Variants in MEG3 observed in about 807,000 individuals in gnomAD.
MEG3 encodes Very putative protein from MEG3 locus.
At chr14:100,848,795 GT>G (rs1280835814) in intron 3 of MEG3, 20 of 152,124 alleles carry the variant, frequency 1.3e-4, no homozygotes, top group African/African-American at 4.8e-4. Flanking sequence ...AAGAAAAGGA[GT>G]GAGGAATGGG....
chr14:100,839,954 C>T (rs1305512577), intron 2 of MEG3, among the ~76,000 whole-genome samples: 2 of 152,220 alleles, frequency 1.3e-5, no homozygotes, highest in Non-Finnish European at 2.9e-5. Context: ...AAACTGGTCA[C>T]TTTACTCAGG....
At chr14:100,827,550 GT>G (rs1178783274) in intron 1 of MEG3, 2 of 152,510 alleles carry the variant, frequency 1.3e-5, no homozygotes, top group Admixed American at 6.5e-5. Flanking sequence ...ATTTCCAGTG[GT>G]TTTTGGTTTC....
rs898105517 is a variant in MEG3 at position 100,837,722 on chromosome 14, A to G, written n.3045+1422A>G. On this transcript the variant is annotated intron_variant and non_coding_transcript_variant, in intron 2 of 3. Coordinates refer to the MEG3 transcript ENST00000398461. This position sits in a 1 kb window ranked among gnomAD's most constrained non-coding sequence, Gnocchi z 5.8. ...CGACGCAGCCTCGTAATGCTCTTTA[A>G]TCAAACAGAGGATTTGGAGACAGCT... is the stretch of plus-strand genomic sequence containing the variant. Among the ~76,000 whole-genome samples, 11 of 152,178 alleles carry G rather than the reference A, an allele frequency of 7.2e-5. No individual in the cohort carries two copies. Among genetic ancestry groups the G allele is most frequent in the Admixed American group, 7.2e-4 (11 of 15,298 alleles).
downstream of MEG3, chr14:100,830,699 G>C (rs1449692538): frequency 6.6e-6 from 1 of 152,194 alleles, no homozygotes. Flanking sequence ...ACAGTCTCTT[G>C]GAACCTAATT....
intron 3 of MEG3, chr14:100,846,467 G>A (rs1233941519): frequency 6.6e-6 from 1 of 152,262 alleles, no homozygotes; most frequent in Admixed American, 6.5e-5. Context: ...TGTGTTTCTG[G>A]ACTGTGGGCT....
In MEG3 at chr14:100,845,730, C is replaced by T. The variant is rs1370398605; in HGVS notation, n.3121+197C>T. ...GGCTCCTGTTTTCTAAGACAGGAGC[C>T]CCCTGCCTCCTTGTGTTGTCTCTGT... is the stretch of plus-strand genomic sequence containing the variant. On this transcript the variant is annotated intron_variant and non_coding_transcript_variant, in intron 3 of 3. Transcript: ENST00000398461. This position sits in a 1 kb window ranked among gnomAD's most constrained non-coding sequence, Gnocchi z 5.2. 4.4e-6 allele frequency: 1 copy of T among 228,958 alleles called. No individual in the cohort carries two copies. Among genetic ancestry groups the T allele is most frequent in the Non-Finnish European group, 9.0e-6 (1 of 111,256 alleles). 14.2% of individuals were successfully genotyped at this position (228,958 alleles called of 1,614,324 possible).
rs977195610 is a variant in MEG3, at chr14:100,837,492, T to G, written n.3045+1192T>G. 1.3e-5 allele frequency among the ~76,000 whole-genome samples: 2 copies of G among 152,104 alleles called. No homozygotes were observed. Among genetic ancestry groups the G allele is most frequent in the Non-Finnish European group, 2.9e-5 (2 of 68,004 alleles). ...ATTCCCCCAGACATTTATGGAGGCT[T>G]GAGGGGGCCCTAGCACTGTCCTTGG... is the stretch of plus-strand genomic sequence containing the variant. On this transcript the variant is annotated intron_variant and non_coding_transcript_variant, in intron 2 of 3. Transcript: ENST00000398461. This position sits in a 1 kb window ranked among gnomAD's most constrained non-coding sequence, Gnocchi z 5.8.
At chr14:100,828,218 G>A (rs1331687030) in intron 1 of MEG3, among the ~76,000 whole-genome samples, 1 of 152,008 alleles carries the variant, frequency 6.6e-6, no homozygotes, top group Non-Finnish European at 1.5e-5. Flanking sequence ...CCTGGGTTAC[G>A]GGTGCGGGCC....
At chr14:100,844,671 T>G (rs1455692523) in intron 2 of MEG3, among the ~76,000 whole-genome samples, 1 of 152,168 alleles carries the variant, frequency 6.6e-6, no homozygotes, top group African/African-American at 2.4e-5. Context: ...GCTCACTCTT[T>G]GTGGCGCACA....
intron 2 of MEG3, among the ~76,000 whole-genome samples, chr14:100,842,767 C>T (rs1339744784): frequency 6.6e-6 from 1 of 152,160 alleles, no homozygotes; most frequent in African/African-American, 2.4e-5. Context: ...CTTTTAAAAT[C>T]CTAAGATGCA....
downstream of MEG3, chr14:100,831,988 G>C (rs1284948755): frequency 6.6e-6 from 1 of 152,122 alleles, no homozygotes; most frequent in East Asian, 1.9e-4. Context: ...ACAACTGGAG[G>C]CACCACTAGA....
chr14:100,837,306 GT>G lies in MEG3; in HGVS notation n.3045+1011del, dbSNP rs898670239. Reference sequence around the variant, plus strand: ...TGTGGCTCACTCAGGGCGATGGGGTGTTTTTAGAGCCACTGCCCTGGGAGGC... The same window carrying G: ...TGTGGCTCACTCAGGGCGATGGGGTGTTTTAGAGCCACTGCCCTGGGAGGC... On this transcript the variant is annotated intron_variant and non_coding_transcript_variant, in intron 2 of 3. Transcript: ENST00000398461. The surrounding 1 kb of genome is among the most constrained non-coding windows in gnomAD (Gnocchi z 5.8). Among the ~76,000 whole-genome samples the G allele has an allele frequency of 2.0e-5, 3 of 152,194 alleles. No homozygotes were observed. The highest frequency in any genetic ancestry group is 7.2e-5 in the African/African-American group (3 of 41,454).
Position 100,845,171 on chromosome 14 carries a change from TA to T in MEG3, n.3046-285del, listed in dbSNP as rs1340596079. ...CCCGTTTCTCATCTATGCAGGGTCC[TA>T]AGCCTTTGGGTCCCACAGAGCACGA... On this transcript the variant is annotated intron_variant and non_coding_transcript_variant, in intron 2 of 3. Transcript: ENST00000398461. The surrounding 1 kb of genome is among the most constrained non-coding windows in gnomAD (Gnocchi z 5.2). Among the ~76,000 whole-genome samples, 1 of 152,246 alleles carries T rather than the reference TA, an allele frequency of 6.6e-6. No homozygotes were observed. The highest frequency in any genetic ancestry group is 1.5e-5 in the Non-Finnish European group (1 of 68,054).
intron 1 of MEG3, chr14:100,860,575 G>A (rs1345831026): frequency 4.5e-6 from 2 of 445,132 alleles, no homozygotes; most frequent in Non-Finnish European, 9.0e-6. Flanking sequence ...GAGCCCGTGA[G>A]CAGGGACTTG....
At chr14:100,832,187 C>T (rs942621451), downstream of MEG3, 4 of 152,134 alleles carry the variant, frequency 2.6e-5, no homozygotes, top group African/African-American at 9.7e-5. Flanking sequence ...ACGGTTTCCC[C>T]TTACGTTAGT....
chr14:100,833,269 CT>C (rs1412030471), downstream of MEG3: 2 of 151,996 alleles, frequency 1.3e-5, no homozygotes, highest in East Asian at 1.9e-4. Context: ...ACTTGTAGTT[CT>C]TTTTTTTGAA....
chr14:100,852,491 C>T, upstream of MEG3: 2 of 511,290 alleles, frequency 3.9e-6, no homozygotes, highest in African/African-American at 2.0e-5. Flanking sequence ...TGCTCTTCTT[C>T]TCTTTCAGAA....
chr14:100,845,162 G>T lies in MEG3; in HGVS notation n.3046-296G>T, dbSNP rs185189364. ...TGGGCCACCCCCGTTTCTCATCTAT[G>T]CAGGGTCCTAAGCCTTTGGGTCCCA... On this transcript the variant is annotated intron_variant and non_coding_transcript_variant, in intron 2 of 3. Coordinates refer to the MEG3 transcript ENST00000398461. This position sits in a 1 kb window ranked among gnomAD's most constrained non-coding sequence, Gnocchi z 5.2. 1.3e-5 allele frequency among the ~76,000 whole-genome samples: 2 copies of T among 152,320 alleles called. No homozygotes were observed. The highest frequency in any genetic ancestry group is 3.9e-4 in the East Asian group (2 of 5,178).
intron 2 of MEG3, among the ~76,000 whole-genome samples, chr14:100,838,108 A>T (rs2037643612): frequency 1.3e-5 from 2 of 152,124 alleles, no homozygotes; most frequent in Admixed American, 6.5e-5. Context: ...CAAGCTTACT[A>T]GAATGCATTC....
Sources: gnomAD v4.1 joint callset for allele counts (sites outside exome capture counted in the v4.1 genomes callset) on GRCh38, gnomAD v4.1.1 for gene constraint, Gnocchi (gnomAD v3.1) non-coding constraint, MANE v1.5 for transcripts, NCBI Gene and HGNC (gene_info 2026-07-23, HGNC 2026-07-21) for gene names.